Variants in SAFB observed in about 807,000 individuals in gnomAD.
SAFB encodes scaffold attachment factor B1.
SAFB carries 15 observed loss-of-function variants against 101.6 expected under a neutral mutation model. The ratio of observed to expected loss-of-function variants is 0.15; its 90% CI spans 0.10 to 0.23. The LOEUF (loss-of-function observed/expected upper bound fraction) is 0.23. SAFB is among the 10% of genes least tolerant of loss of function. SAFB has a pLI of 1.00. For missense variants in SAFB, 930 were observed against 1,104.1 expected, an observed-to-expected ratio of 0.84 and a Z score of 2.23; for synonymous variants, 449 against 407.5, an observed-to-expected ratio of 1.10 and a Z score of -1.23.
intron 14 of SAFB, among the ~76,000 whole-genome samples, chr19:5,660,913 C>T (rs992550283): frequency 2.1e-5 from 3 of 143,418 alleles, no homozygotes; most frequent in South Asian, 2.3e-4. Context: ...CACACTCACT[C>T]GCTATGAAGC....
rs1359505673 is a variant in SAFB at position 5,655,446 on chromosome 19, T to A, written c.1755+990T>A. 5.5e-5 allele frequency among the ~76,000 whole-genome samples: 7 copies of A among 126,402 alleles called. No homozygotes were observed. In the East Asian group the frequency reaches 6.6e-4, roughly 12 times the overall value. The allele number at this position is 126,402 out of a possible 152,430, so 82.9% of individuals were successfully genotyped here. ...CTGCACTCTAGCCTGGGAGAGAGAG[T>A]GAGACCCCATCTCAAAAAAAAAAAA... On this transcript the variant is annotated intron_variant, in intron 13 of 20. Transcript: ENST00000588852.
At chr19:5,645,202 T>A (rs1277369862) in intron 4 of SAFB, 135 bp from the exon 5 acceptor site, 6 of 551,422 alleles carry the variant, frequency 1.1e-5, no homozygotes, top group African/African-American at 1.9e-5. Context: ...TATAATAGTG[T>A]TTTGATTTCT....
chr19:5,653,015 C>A, intron 9 of SAFB, 100 bp from the exon 10 acceptor site: 2 of 1,200,206 alleles, frequency 1.7e-6, no homozygotes, highest in South Asian at 2.8e-5. Flanking sequence ...TAACACTTGT[C>A]GGACCCCTGA....
chr19:5,658,633 G>T (rs1792978174), intron 14 of SAFB, among the ~76,000 whole-genome samples: 1 of 151,702 alleles, frequency 6.6e-6, no homozygotes. Flanking sequence ...CACGAGGTCA[G>T]GAGATCGAGA....
chr19:5,655,540 A>G (rs961647263), intron 13 of SAFB, among the ~76,000 whole-genome samples: 3 of 151,536 alleles, frequency 2.0e-5, no homozygotes, highest in African/African-American at 7.3e-5. Context: ...GTTAACTGTC[A>G]ACTGGGGACA....
intron 1 of SAFB, 141 bp from the exon 2 acceptor site, chr19:5,626,262 TGG>T: frequency 1.6e-6 from 1 of 611,282 alleles, no homozygotes; most frequent in South Asian, 1.9e-5. Context: ...AACAGATGAG[TGG>T]ATGGGCCACA....
chr19:5,634,589 A>G (rs1014476769), intron 2 of SAFB, among the ~76,000 whole-genome samples: 4 of 152,148 alleles, frequency 2.6e-5, no homozygotes, highest in Admixed American at 1.3e-4. Flanking sequence ...TAAGAAAGGT[A>G]TGCAACAGTC....
Position 5,624,116 on chromosome 19 carries a change from T to TC in SAFB, c.189+727dup, listed in dbSNP as rs1294944764. 3 of 148,262 alleles carry TC rather than the reference T, an allele frequency of 2.0e-5. No homozygotes were observed. The East Asian group carries it at 6.0e-4, about 29-fold the overall frequency. 9.2% of individuals were successfully genotyped at this position (148,262 alleles called of 1,614,324 possible). On this transcript the variant is annotated intron_variant, in intron 1 of 20. Transcript: ENST00000588852. ...CCCGGGAGGCGGGCAGAGCCTGGGC[T>TC]CCCCCAGCTCCGTCAGTCTCTCTGG...
Position 5,667,596 on chromosome 19 carries a change from GCT to G in SAFB, c.2557+151_2557+152del, listed in dbSNP as rs1253121618. 12 of 709,670 alleles carry G rather than the reference GCT, an allele frequency of 1.7e-5. No individual in the cohort carries two copies. The East Asian group carries it at 3.3e-4, about 19-fold the overall frequency. 44.0% of individuals were successfully genotyped at this position (709,670 alleles called of 1,614,324 possible). A position where few individuals can be genotyped will look rare whatever the true frequency, so the allele number is the denominator to read the frequency against. On this transcript the variant is annotated intron_variant, in intron 19 of 20. Coordinates refer to ENST00000588852, the MANE Select transcript of SAFB (RefSeq NM_001201338.2). This position sits in a 1 kb window ranked among gnomAD's most constrained non-coding sequence, Gnocchi z 4.0. ...ATGAAGAGCACTCCAGACACCGCCT[GCT>G]CTCTGGTGGTCTGGCCCAGGAGTTG...
chr19:5,661,397 G>T (rs762019801), intron 14 of SAFB, 121 bp from the exon 15 acceptor site: 18 of 1,518,616 alleles, frequency 1.2e-5, no homozygotes, highest in Non-Finnish European at 1.6e-5. Flanking sequence ...GTACGGTTCT[G>T]CAGACCACGT....
At chr19:5,662,638 C>CT (rs1555700501) in intron 15 of SAFB, among the ~76,000 whole-genome samples, 1 of 149,796 alleles carries the variant, frequency 6.7e-6, no homozygotes, top group Non-Finnish European at 1.5e-5. Context: ...CTTTAAGGCC[C>CT]TTTCCTTTTT....
chr19:5,648,075 G>A, intron 6 of SAFB, 32 bp downstream of exon 6: 3 of 1,578,824 alleles, frequency 1.9e-6, no homozygotes, highest in South Asian at 2.3e-5. Context: ...ACCAGCGGGG[G>A]TTTGGAACCA....
intron 17 of SAFB, chr19:5,666,811 C>G (rs2054336411): frequency 1.7e-6 from 1 of 586,734 alleles, no homozygotes; most frequent in Admixed American, 3.0e-5. Flanking sequence ...GGGGACCTGC[C>G]TTGGAGATGC....
chr19:5,661,883 A>AG, intron 15 of SAFB, 75 bp downstream of exon 15: 1 of 984,100 alleles, frequency 1.0e-6, no homozygotes, highest in Non-Finnish European at 1.4e-6. Context: ...AGTTAGCTTG[A>AG]GATTTTTTTT....
At chr19:5,659,863 G>A (rs972853424) in intron 14 of SAFB, among the ~76,000 whole-genome samples, 22 of 152,160 alleles carry the variant, frequency 1.4e-4, no homozygotes, top group African/African-American at 4.6e-4. Context: ...CATATCTGGC[G>A]TAGAGGAACC....
chr19:5,668,109 G>A, intron 20 of SAFB, 53 bp from the exon 21 acceptor site: 1 of 1,587,924 alleles, frequency 6.3e-7, no homozygotes, highest in East Asian at 2.3e-5. Flanking sequence ...AGGCTGGGAT[G>A]GGCCGGGGAG....
At chr19:5,648,399 C>T (rs752581750) in intron 6 of SAFB, 5 of 303,594 alleles carry the variant, frequency 1.6e-5, no homozygotes, top group Admixed American at 4.8e-5. Flanking sequence ...TGGGCAGTAG[C>T]TTAATTTTGT....
rs959534646 is a variant in SAFB, at chr19:5,639,994, C to T, written c.275-1600C>T. Among the ~76,000 whole-genome samples the T allele has an allele frequency of 3.3e-5, 5 of 151,804 alleles. No homozygotes were observed. The East Asian group carries it at 5.9e-4, about 18-fold the overall frequency. ...CTGGGATTACAGTCATGCCCCACCACACCTGGCTAATTTTGTTTTTTGTTT... is the reference window on the plus strand; with the variant it reads ...CTGGGATTACAGTCATGCCCCACCATACCTGGCTAATTTTGTTTTTTGTTT... On this transcript the variant is annotated intron_variant, in intron 2 of 20. Coordinates refer to ENST00000588852, the MANE Select transcript of SAFB (RefSeq NM_001201338.2).
intron 1 of SAFB, among the ~76,000 whole-genome samples, chr19:5,626,138 T>C (rs2053353652): frequency 6.6e-6 from 1 of 152,132 alleles, no homozygotes; most frequent in South Asian, 2.1e-4. Flanking sequence ...ACTGTATTAT[T>C]ATTAGCCGCA....
Sources: allele counts gnomAD v4.1 joint callset (sites outside exome capture counted in the v4.1 genomes callset), GRCh38; gene constraint gnomAD v4.1.1; non-coding constraint Gnocchi (gnomAD v3.1); transcripts MANE v1.5; gene names NCBI Gene and HGNC (gene_info 2026-07-23, HGNC 2026-07-21).